Variants in GHRH observed in about 807,000 individuals in gnomAD.
GHRH encodes growth hormone releasing hormone, also known as somatoliberin.
GHRH carries 7 observed loss-of-function variants against 15.6 expected under a neutral mutation model. That is an observed-to-expected ratio of 0.45 (90% CI 0.26 to 0.84). The LOEUF is 0.84. Among genes scored for constraint, GHRH ranks in the 40% least tolerant of loss-of-function variants. The probability of loss-of-function intolerance (pLI) is 0.18; values close to 1 mark genes in which losing one functional copy is unlikely to be tolerated. For missense variants in GHRH, 117 were observed against 138.0 expected (o/e 0.85, Z 0.76); for synonymous variants, 54 against 50.4 (o/e 1.07, Z -0.30).
intron 4 of GHRH, among the ~76,000 whole-genome samples, chr20:37,251,770 G>A (rs1350624090): frequency 6.6e-6 from 1 of 152,166 alleles, no homozygotes; most frequent in Non-Finnish European, 1.5e-5. Context: ...CTGTTACGTG[G>A]ACACAATGTA....
intron 1 of GHRH, among the ~76,000 whole-genome samples, chr20:37,260,921 C>T (rs973598627): frequency 1.3e-5 from 2 of 152,140 alleles, no homozygotes; most frequent in East Asian, 1.9e-4. Flanking sequence ...TCTCAAGCAC[C>T]CAAATTCGCA....
In GHRH at chr20:37,256,524, A is replaced by G. The variant is rs760643047; in HGVS notation, c.84-26T>C. 14 of 1,488,226 alleles carry G rather than the reference A, an allele frequency of 9.4e-6. No individual in the cohort carries two copies. The South Asian group carries it at 1.1e-4, about 12-fold the overall frequency. The allele number at this position is 1,488,226 out of a possible 1,614,324, so 92.2% of individuals were successfully genotyped here. ...CTGTGCGGAAGGAGTCAGGGGTCAGAGGGCGGGGTGGAGGCCAGGCGAGAG... is the reference window on the plus strand; with the variant it reads ...CTGTGCGGAAGGAGTCAGGGGTCAGGGGGCGGGGTGGAGGCCAGGCGAGAG... On this transcript the variant is annotated intron_variant, in intron 2 of 4. Coordinates refer to ENST00000373614, the MANE Select transcript of GHRH (RefSeq NM_021081.6).
At chr20:37,257,600 G>A (rs540612164) in intron 1 of GHRH, among the ~76,000 whole-genome samples, 1 of 152,184 alleles carries the variant, frequency 6.6e-6, no homozygotes, top group African/African-American at 2.4e-5. Flanking sequence ...TTCTCTCAGT[G>A]CCCCTCATTC....
chr20:37,256,931 G>T (rs754949003), intron 1 of GHRH, 23 bp from the exon 2 acceptor site: 30 of 1,432,914 alleles, frequency 2.1e-5, no homozygotes, highest in Non-Finnish European at 1.9e-6. Flanking sequence ...AGGAGGGGAA[G>T]GTCAGGTACA....
rs2068668263 is a variant in GHRH, at chr20:37,258,263, G to C, written c.-19-1355C>G. Among the ~76,000 whole-genome samples, 2 of 152,138 alleles carry C rather than the reference G, an allele frequency of 1.3e-5. No individual in the cohort carries two copies. The highest frequency in any genetic ancestry group is 2.9e-5 in the Non-Finnish European group (2 of 67,994). ...CATGGGTTTCTCCCTCTCTCAGCAG[G>C]ATGTCTACTCCATGGGGGTGTAGAT... On this transcript the variant is annotated intron_variant, in intron 1 of 4. Transcript: ENST00000373614. The surrounding 1 kb of genome is among the most constrained non-coding windows in gnomAD (Gnocchi z 4.1).
chr20:37,253,876 G>A (rs999494957), intron 4 of GHRH, among the ~76,000 whole-genome samples: 3 of 152,016 alleles, frequency 2.0e-5, no homozygotes, highest in South Asian at 2.1e-4. Context: ...TCAGCCTCCC[G>A]AGTGGCTGGG....
chr20:37,252,776 T>A (rs1056318119), intron 4 of GHRH, among the ~76,000 whole-genome samples: 1 of 151,312 alleles, frequency 6.6e-6, no homozygotes, highest in Admixed American at 6.6e-5. Flanking sequence ...TGGTGGCGGG[T>A]GCCTGTAATC....
chr20:37,256,665 C>T (rs2068658042), intron 2 of GHRH, 142 bp downstream of exon 2: 2 of 756,224 alleles, frequency 2.6e-6, no homozygotes, highest in Non-Finnish European at 4.4e-6. Flanking sequence ...CTGTGTCTGC[C>T]TCCTCTGCAA....
intron 3 of GHRH, 67 bp from the exon 4 acceptor site, chr20:37,254,396 C>G: frequency 6.5e-7 from 1 of 1,537,404 alleles, no homozygotes; most frequent in East Asian, 2.2e-5. Context: ...GGGTATATCC[C>G]TATGCCTATT....
At chr20:37,256,521 C>A (rs1391633837) in intron 2 of GHRH, 23 bp from the exon 3 acceptor site, 13 of 1,518,206 alleles carry the variant, frequency 8.6e-6, no homozygotes, top group Non-Finnish European at 1.1e-5. Context: ...AGTCAGGGGT[C>A]AGAGGGCGGG....
At position 37,256,865 on chromosome 20, in the gene GHRH, CAAA is replaced by C. The variant is rs775698777; in HGVS notation, c.22_24del (p.Phe8del). ...GAGCTGTTGCTGAGGGTGAGGATCA[CAAA>C]GAAGAACACCCAGAGTGGCATCCTT... On this transcript the variant is annotated inframe_deletion, in exon 2 of 5. Transcript: ENST00000373614. 1.2e-6 allele frequency: 2 copies of C among 1,612,544 alleles called. No individual in the cohort carries two copies. Among genetic ancestry groups the C allele is most frequent in the South Asian group, 1.1e-5 (1 of 90,568 alleles).
At position 37,254,199 on chromosome 20, in the gene GHRH, C is replaced by A; in HGVS notation, c.308+11G>T. 2 of 1,614,138 alleles carry A rather than the reference C, an allele frequency of 1.2e-6. No individual in the cohort carries two copies. Among genetic ancestry groups the A allele is most frequent in the South Asian group, 2.2e-5 (2 of 91,080 alleles). ...AAGTCCCTAGATGCACCCATGCACA[C>A]ACACCCATACCTGTGCTTCTGCAGC... is the stretch of plus-strand genomic sequence containing the variant. On this transcript the variant is annotated intron_variant, in intron 4 of 4. Transcript: ENST00000373614.
At chr20:37,257,787 AC>A (rs1262204298) in intron 1 of GHRH, among the ~76,000 whole-genome samples, 1 of 152,132 alleles carries the variant, frequency 6.6e-6, no homozygotes, top group Non-Finnish European at 1.5e-5. Context: ...TAGTAACTAG[AC>A]CTCCTACTTC....
At chr20:37,255,115 A>C (rs898963592) in intron 3 of GHRH, among the ~76,000 whole-genome samples, 1 of 152,234 alleles carries the variant, frequency 6.6e-6, no homozygotes, top group Non-Finnish European at 1.5e-5. Flanking sequence ...TGGTTCAACA[A>C]AAATGATAAG....
At chr20:37,251,345 T>G in intron 4 of GHRH, 114 bp from the exon 5 acceptor site, 1 of 787,556 alleles carries the variant, frequency 1.3e-6, no homozygotes, top group South Asian at 1.9e-5. Context: ...CCTTTTGGAT[T>G]CCAAAAGAGG....
chr20:37,253,893 G>GA (rs551790719), intron 4 of GHRH, among the ~76,000 whole-genome samples: 1,561 of 152,312 alleles, frequency 0.01, 26 homozygotes, highest in African/African-American at 0.035. Flanking sequence ...TGGGATTACA[G>GA]GCGTGAGCCA....
intron 4 of GHRH, 141 bp downstream of exon 4, chr20:37,254,069 C>G (rs1460449491): frequency 1.2e-6 from 1 of 843,644 alleles, no homozygotes; most frequent in Admixed American, 2.2e-5. Context: ...TTCTTAATGT[C>G]TGTCAGGAGG....
In GHRH at chr20:37,251,093, G is replaced by A. The variant is rs2068618140; in HGVS notation, c.*120C>T. 4.9e-6 allele frequency: 3 copies of A among 608,158 alleles called. No homozygotes were observed. 37.7% of individuals were successfully genotyped at this position (608,158 alleles called of 1,614,324 possible). ...GCTGAAGAGAAAAGAACATTTAAAT[G>A]CACACCGGTATGGGGGAATTTTATT... On this transcript the variant is annotated 3_prime_UTR_variant, in exon 5 of 5. Coordinates refer to ENST00000373614, the MANE Select transcript of GHRH (RefSeq NM_021081.6).
At chr20:37,253,320 A>G (rs924126293) in intron 4 of GHRH, among the ~76,000 whole-genome samples, 1 of 152,142 alleles carries the variant, frequency 6.6e-6, no homozygotes, top group East Asian at 1.9e-4. Flanking sequence ...ACACTCATCT[A>G]CCACAGGGTG....
Sources: allele counts gnomAD v4.1 joint callset (sites outside exome capture counted in the v4.1 genomes callset), GRCh38; gene constraint gnomAD v4.1.1; non-coding constraint Gnocchi (gnomAD v3.1); transcripts MANE v1.5; gene names NCBI Gene and HGNC (gene_info 2026-07-23, HGNC 2026-07-21).